CTDSPL2: variants seen among roughly 807,000 people sequenced by gnomAD.
CTDSPL2 encodes CTD small phosphatase like 2, also known as CTD small phosphatase-like protein 2.
In CTDSPL2, 5 loss-of-function variants were observed where a neutral mutation model predicts 60.0. That is an observed-to-expected ratio of 0.08 (90% CI 0.04 to 0.18). The LOEUF is 0.18. Among genes scored for constraint, CTDSPL2 ranks in the 10% least tolerant of loss-of-function variants. The probability of loss-of-function intolerance (pLI) is 1.00; values close to 1 mark genes in which losing one functional copy is unlikely to be tolerated. For synonymous variants in CTDSPL2, 186 were observed against 189.3 expected (o/e 0.98, Z 0.14); for missense variants, 370 against 548.8 (o/e 0.67, Z 3.26).
intron 9 of CTDSPL2, 47 bp from the exon 10 acceptor site, chr15:44,514,718 T>C: frequency 1.3e-6 from 2 of 1,517,396 alleles, no homozygotes; most frequent in Non-Finnish European, 1.8e-6. Context: ...ATAGTACCCA[T>C]ATTTAGACCA....
chr15:44,431,159 C>T (rs2079849484), intron 1 of CTDSPL2, among the ~76,000 whole-genome samples: 1 of 150,480 alleles, frequency 6.6e-6, no homozygotes, highest in Non-Finnish European at 1.5e-5. Flanking sequence ...CGGGGTCTCG[C>T]TGTGTCACCC....
chr15:44,484,305 G>A lies in CTDSPL2; in HGVS notation c.268G>A (p.Gly90Arg). 1 of 1,613,684 alleles carries A rather than the reference G, an allele frequency of 6.2e-7. No homozygotes were observed. Among genetic ancestry groups the A allele is most frequent in the South Asian group, 1.1e-5 (1 of 91,058 alleles). ...NNLITSTPRA[G>R]EKPNKQISRV... ...TTTGATCACGTCAACACCAAGAGCA[G>A]GAGAAAAACCTAACAAACAGATATC... The change falls in exon 3 of 13, where the codon GGA (glycine) becomes AGA (arginine). Residue 90 changes from glycine to arginine, a missense_variant. Gly to Arg is a moderately radical substitution (Grantham distance 125). Coordinates refer to ENST00000260327, the MANE Select transcript of CTDSPL2 (RefSeq NM_016396.3).
intron 11 of CTDSPL2, 28 bp from the exon 12 acceptor site, chr15:44,521,283 G>A (rs2081762429): frequency 9.3e-7 from 1 of 1,072,996 alleles, no homozygotes; most frequent in Admixed American, 2.2e-5. Context: ...AAGTAAAAGA[G>A]GATTTAATTA....
intron 1 of CTDSPL2, among the ~76,000 whole-genome samples, chr15:44,446,859 AT>A (rs748265434): frequency 1.4e-5 from 2 of 146,066 alleles, no homozygotes; most frequent in East Asian, 4.1e-4. Flanking sequence ...GATTCAAGTG[AT>A]TCTCCTGCCT....
chr15:44,468,567 A>C (rs1452312866), intron 2 of CTDSPL2, among the ~76,000 whole-genome samples: 2 of 152,114 alleles, frequency 1.3e-5, no homozygotes, highest in African/African-American at 4.8e-5. Flanking sequence ...TTGAAGTGAG[A>C]GCTTAAATCA....
chr15:44,460,112 T>G (rs2080534555), intron 2 of CTDSPL2, among the ~76,000 whole-genome samples: 1 of 152,128 alleles, frequency 6.6e-6, no homozygotes, highest in Non-Finnish European at 1.5e-5. Context: ...TTTTATTTTA[T>G]TTTATTTATT....
At position 44,478,452 on chromosome 15, in the gene CTDSPL2, C is replaced by CA. The variant is rs61080056; in HGVS notation, c.187-5741dup. On this transcript the variant is annotated intron_variant, in intron 2 of 12. Transcript: ENST00000260327. ...GGGCAAGAAGAGCAAGACTCTGTCT[C>CA]AAAAAAAAAAAAAAAAAAAAAAAAA... 1.9e-3 allele frequency among the ~76,000 whole-genome samples: 74 copies of CA among 38,014 alleles called. 8 individuals are homozygous for CA. The highest frequency in any genetic ancestry group is 3.1e-3 in the Admixed American group (6 of 1,962). The allele number at this position is 38,014 out of a possible 152,430, so 24.9% of individuals were successfully genotyped here.
chr15:44,483,311 G>GA (rs969155611), intron 2 of CTDSPL2, among the ~76,000 whole-genome samples: 3 of 150,790 alleles, frequency 2.0e-5, no homozygotes, highest in Admixed American at 6.6e-5. Flanking sequence ...CATGACTCTA[G>GA]AAAAAATTTA....
At chr15:44,452,879 T>G (rs2080359227) in intron 1 of CTDSPL2, among the ~76,000 whole-genome samples, 1 of 152,162 alleles carries the variant, frequency 6.6e-6, no homozygotes. Context: ...TCTATTGGCT[T>G]GTTTTCTTAT....
chr15:44,485,750 C>T (rs2081107557), intron 3 of CTDSPL2, among the ~76,000 whole-genome samples: 1 of 152,152 alleles, frequency 6.6e-6, no homozygotes, highest in Non-Finnish European at 1.5e-5. Flanking sequence ...AGCAATTTCT[C>T]CCCTTGTCTC....
intron 2 of CTDSPL2, among the ~76,000 whole-genome samples, 162 bp downstream of exon 2, chr15:44,459,362 C>T (rs1263158868): frequency 6.6e-6 from 1 of 152,166 alleles, no homozygotes; most frequent in Non-Finnish European, 1.5e-5. Flanking sequence ...CCCGTCTCTA[C>T]TAAAAATACA....
intron 1 of CTDSPL2, among the ~76,000 whole-genome samples, chr15:44,453,667 C>A (rs960302212): frequency 6.8e-6 from 1 of 147,252 alleles, no homozygotes; most frequent in Non-Finnish European, 1.5e-5. Flanking sequence ...TGAGTGAGAA[C>A]ATGCGGTATT....
intron 2 of CTDSPL2, among the ~76,000 whole-genome samples, chr15:44,479,285 T>G (rs1162951192): frequency 6.6e-6 from 1 of 152,070 alleles, no homozygotes; most frequent in Non-Finnish European, 1.5e-5. Context: ...GTTTACTCTC[T>G]TGGGCCCCTT....
chr15:44,527,032 A>G lies in CTDSPL2; in HGVS notation c.*2858A>G, dbSNP rs1243760982. 1 of 152,574 alleles carries G rather than the reference A, an allele frequency of 6.6e-6. No homozygotes were observed. Among genetic ancestry groups the G allele is most frequent in the Admixed American group, 6.5e-5 (1 of 15,270 alleles). The allele number at this position is 152,574 out of a possible 1,614,324, so 9.5% of individuals were successfully genotyped here. A position where few individuals can be genotyped will look rare whatever the true frequency, so the allele number is the denominator to read the frequency against. On this transcript the variant is annotated 3_prime_UTR_variant, in exon 13 of 13. Transcript: ENST00000260327. Reference sequence around the variant, plus strand: ...ATTCCATGTAATATATGTAGCCCTCATCAGATTTATATCACCATATTTCTC... The same window carrying G: ...ATTCCATGTAATATATGTAGCCCTCGTCAGATTTATATCACCATATTTCTC...
intron 1 of CTDSPL2, 116 bp downstream of exon 1, chr15:44,427,888 G>A (rs1461786548): frequency 2.6e-6 from 1 of 388,352 alleles, no homozygotes; most frequent in Non-Finnish European, 4.5e-6. Flanking sequence ...CGGCTCTGGC[G>A]CCTTGGTAGG....
intron 8 of CTDSPL2, among the ~76,000 whole-genome samples, chr15:44,500,542 A>G (rs773659684): frequency 2.6e-5 from 4 of 152,218 alleles, no homozygotes; most frequent in African/African-American, 7.2e-5. Flanking sequence ...TTTGCATTAT[A>G]TAATAGTTGA....
chr15:44,460,223 GC>G (rs527882328), intron 2 of CTDSPL2, among the ~76,000 whole-genome samples: 169 of 152,226 alleles, frequency 1.1e-3, no homozygotes, highest in African/African-American at 3.9e-3. Context: ...TGATTCTCCT[GC>G]CTCAGCCTCC....
At chr15:44,486,449 A>G in intron 3 of CTDSPL2, 102 bp from the exon 4 acceptor site, 2 of 789,598 alleles carry the variant, frequency 2.5e-6, no homozygotes, top group Non-Finnish European at 3.8e-6. Flanking sequence ...TTCGTGAAGT[A>G]TTTTGAGGGA....
At chr15:44,434,976 C>T (rs1249608967) in intron 1 of CTDSPL2, among the ~76,000 whole-genome samples, 1 of 152,022 alleles carries the variant, frequency 6.6e-6, no homozygotes, top group African/African-American at 2.4e-5. Flanking sequence ...TTAAAATAAC[C>T]TTCGACCAGA....
Sources: allele counts gnomAD v4.1 joint callset (sites outside exome capture counted in the v4.1 genomes callset), GRCh38; gene constraint gnomAD v4.1.1; transcripts MANE v1.5; gene names NCBI Gene and HGNC (gene_info 2026-07-23, HGNC 2026-07-21).